Variants in TERF2 observed in about 807,000 individuals in gnomAD.
TERF2 encodes the protein telomeric repeat binding factor 2.
Under a neutral mutation model 56.1 loss-of-function variants are expected in TERF2, and 16 were observed. The observed-to-expected ratio is 0.29, with a 90% CI of 0.19 to 0.43. TERF2 has a LOEUF of 0.43. Ranked by LOEUF, TERF2 falls within the 20% of genes least tolerant of loss-of-function variation. The pLI is 1.00. For synonymous variants in TERF2, 296 were observed against 282.1 expected (o/e 1.05, Z -0.50); for missense variants, 547 against 712.9 (o/e 0.77, Z 2.65).
chr16:69,378,460 C>T (rs767586973), intron 3 of TERF2, among the ~76,000 whole-genome samples: 4 of 152,004 alleles, frequency 2.6e-5, no homozygotes, highest in Non-Finnish European at 2.9e-5. Flanking sequence ...AAGAAAGAAG[C>T]GAAAAAAGAG....
chr16:69,385,540 C>T (rs1434840625), intron 1 of TERF2, 53 bp downstream of exon 1: 1 of 1,593,070 alleles, frequency 6.3e-7, no homozygotes, highest in Admixed American at 1.7e-5. Context: ...CTCCCGGTCC[C>T]CCGGACCCCC....
At chr16:69,370,922 A>T (rs2013546942) in intron 4 of TERF2, among the ~76,000 whole-genome samples, 1 of 152,208 alleles carries the variant, frequency 6.6e-6, no homozygotes, top group South Asian at 2.1e-4. Context: ...AAGTGTTCAC[A>T]TTAGTGTGTA....
At chr16:69,367,309 T>A in intron 6 of TERF2, 110 bp from the exon 7 acceptor site, 3 of 1,100,112 alleles carry the variant, frequency 2.7e-6, no homozygotes, top group Non-Finnish European at 3.8e-6. Context: ...GAGGAGGCTT[T>A]AAATGTGATA....
chr16:69,384,498 C>T, intron 3 of TERF2, 82 bp downstream of exon 3: 1 of 1,461,340 alleles, frequency 6.8e-7, no homozygotes, highest in Non-Finnish European at 9.2e-7. Context: ...TCCTCTGCCC[C>T]ACACAGTAAA....
rs377647253 is a variant in TERF2, at chr16:69,385,705, C to A, written c.267G>T (p.Arg89=). Residue 89 remains arginine (R), a synonymous_variant, in exon 1 of 10, where the codon CGG becomes CGT. Transcript: ENST00000254942. ...GPAERGAGEA[R]LEEAVNRWVL... ...CCCAGCGATTGACTGCCTCTTCCAG[C>A]CGTGCCTCCCCCGCGCCGCGCTCCG... 3.8e-6 allele frequency: 6 copies of A among 1,598,690 alleles called. No individual in the cohort carries two copies. Among genetic ancestry groups the A allele is most frequent in the Non-Finnish European group, 5.1e-6 (6 of 1,174,466 alleles).
intron 3 of TERF2, among the ~76,000 whole-genome samples, chr16:69,372,584 G>GA (rs1418581331): frequency 6.6e-6 from 1 of 152,122 alleles, no homozygotes; most frequent in Non-Finnish European, 1.5e-5. Flanking sequence ...CCAACATGGA[G>GA]AAACCCCATC....
chr16:69,370,508 T>A lies in TERF2; in HGVS notation c.815A>T (p.Asp272Val). Residue 272 changes from aspartate (D) to valine (V), a missense_variant, in exon 5 of 10, where the codon GAT (aspartate) becomes GTT (valine). By Grantham distance (152) the Asp-to-Val change is radical (BLOSUM62 -3). Around this residue, in one of 6 missense-constraint regions of TERF2, gnomAD observed 97 missense variants for 157.0 expected, o/e 0.62. Coordinates refer to ENST00000254942, the MANE Select transcript of TERF2 (RefSeq NM_005652.5). ...CGTGAGGAGGTAGGGCTCGGCGTCA[T>A]CCAGGTGGCTCTCCAGGAAGCGCAG... ...KMLRFLESHL[D>V]DAEPYLLTMA... The A allele has an allele frequency of 6.2e-7, 1 of 1,614,070 alleles. No individual in the cohort carries two copies. The highest frequency in any genetic ancestry group is 2.2e-5 in the East Asian group (1 of 44,898).
chr16:69,377,568 C>G (rs138435220), intron 3 of TERF2, among the ~76,000 whole-genome samples: 1 of 152,138 alleles, frequency 6.6e-6, no homozygotes, highest in African/African-American at 2.4e-5. Context: ...CCTCATAATC[C>G]GCCTGCCTCA....
chr16:69,379,975 G>C (rs2013935213), intron 3 of TERF2, among the ~76,000 whole-genome samples: 2 of 152,030 alleles, frequency 1.3e-5, no homozygotes, highest in Non-Finnish European at 2.9e-5. Flanking sequence ...GCAGTGATGT[G>C]ATCTCAGCTC....
At position 69,370,503 on chromosome 16, in the gene TERF2, C is replaced by T. The variant is rs778329095; in HGVS notation, c.820G>A (p.Ala274Thr). ...CGCACCGTGAGGAGGTAGGGCTCGG[C>T]GTCATCCAGGTGGCTCTCCAGGAAG... Reference protein sequence around the residue: ...LRFLESHLDDAEPYLLTMAKK... With the variant: ...LRFLESHLDDTEPYLLTMAKK... The change falls in exon 5 of 10, where the codon GCC becomes ACC. Residue 274 changes from alanine to threonine, a missense_variant. Ala to Thr is a moderately conservative substitution (Grantham distance 58). Transcript: ENST00000254942. The T allele has an allele frequency of 6.8e-6, 11 of 1,614,176 alleles. No individual in the cohort carries two copies. Among genetic ancestry groups the T allele is most frequent in the Non-Finnish European group, 9.3e-6 (11 of 1,180,040 alleles).
intron 3 of TERF2, among the ~76,000 whole-genome samples, chr16:69,380,745 C>A (rs2013967454): frequency 6.6e-6 from 1 of 150,732 alleles, no homozygotes; most frequent in Non-Finnish European, 1.5e-5. Flanking sequence ...CATTGGTCAT[C>A]TGGAAAATAC....
At chr16:69,376,242 T>C (rs2013773370) in intron 3 of TERF2, among the ~76,000 whole-genome samples, 1 of 152,342 alleles carries the variant, frequency 6.6e-6, no homozygotes, top group African/African-American at 2.4e-5. Flanking sequence ...TGTGAGCTTA[T>C]GGTCAAAGTT....
intron 3 of TERF2, among the ~76,000 whole-genome samples, chr16:69,382,973 A>G (rs1438925137): frequency 6.6e-6 from 1 of 152,216 alleles, no homozygotes; most frequent in Non-Finnish European, 1.5e-5. Context: ...AACAGAGTCA[A>G]CGTAAGAAAA....
chr16:69,383,940 C>T (rs1000869870), intron 3 of TERF2, among the ~76,000 whole-genome samples: 3 of 152,194 alleles, frequency 2.0e-5, no homozygotes, highest in African/African-American at 7.2e-5. Context: ...CCCACAGCCA[C>T]TTCTATGTTT....
Position 69,356,885 on chromosome 16 carries a change from A to C in TERF2, c.*13T>G. ...CCATGCTCCTGTGAATTCTGTGGAAATGAAAGCCTGTTTCAGTTCATGCCA... is the reference window on the plus strand; with the variant it reads ...CCATGCTCCTGTGAATTCTGTGGAACTGAAAGCCTGTTTCAGTTCATGCCA... On this transcript the variant is annotated 3_prime_UTR_variant, in exon 10 of 10. Coordinates refer to ENST00000254942, the MANE Select transcript of TERF2 (RefSeq NM_005652.5). 6.2e-7 allele frequency: 1 copy of C among 1,606,414 alleles called. No homozygotes were observed. The highest frequency in any genetic ancestry group is 8.5e-7 in the Non-Finnish European group (1 of 1,176,368).
In TERF2 at chr16:69,357,602, T is replaced by C. The variant is rs764977667; in HGVS notation, c.1427-41A>G. 1.9e-6 allele frequency: 3 copies of C among 1,604,496 alleles called. No individual in the cohort carries two copies. The South Asian group carries it at 3.4e-5, about 18-fold the overall frequency. Reference sequence around the variant, plus strand: ...AGTAGACTCATTTCAGAGTTCACCTTTCTCTGCACAAACCACAAGAAAAAG... The same window carrying C: ...AGTAGACTCATTTCAGAGTTCACCTCTCTCTGCACAAACCACAAGAAAAAG... On this transcript the variant is annotated intron_variant, in intron 8 of 9. Transcript: ENST00000254942.
intron 8 of TERF2, among the ~76,000 whole-genome samples, chr16:69,360,166 C>A (rs1440194152): frequency 1.3e-5 from 2 of 151,966 alleles, no homozygotes; most frequent in African/African-American, 4.8e-5. Flanking sequence ...GCGAGCAGAT[C>A]ACTTGAGGTC....
At chr16:69,382,932 A>C (rs1363155225) in intron 3 of TERF2, among the ~76,000 whole-genome samples, 2 of 152,174 alleles carry the variant, frequency 1.3e-5, no homozygotes, top group African/African-American at 4.8e-5. Context: ...TAAGCATAAG[A>C]TCTAGTACGT....
intron 8 of TERF2, among the ~76,000 whole-genome samples, chr16:69,361,164 T>C (rs1165735708): frequency 1.3e-5 from 2 of 151,680 alleles, no homozygotes; most frequent in East Asian, 1.9e-4. Context: ...GCCCAGAAGG[T>C]TGAAGCTCAG....
Sources: allele counts gnomAD v4.1 joint callset (sites outside exome capture counted in the v4.1 genomes callset), GRCh38; gene constraint gnomAD v4.1.1; regional missense constraint gnomAD v4.1.1; transcripts MANE v1.5; gene names NCBI Gene and HGNC (gene_info 2026-07-23, HGNC 2026-07-21).